The following DPP10 variants were observed in gnomAD, a reference collection of about 807,000 sequenced individuals.
DPP10 encodes dipeptidyl peptidase like 10.
In DPP10, 33 loss-of-function variants were observed where a neutral mutation model predicts 120.9. That is an observed-to-expected ratio of 0.27 (90% CI 0.21 to 0.37). The LOEUF (loss-of-function observed/expected upper bound fraction) is 0.37, where lower values mean the gene tolerates loss of function less well. Among genes scored for constraint, DPP10 ranks in the 10% least tolerant of loss-of-function variants. DPP10 has a pLI of 1.00. For synonymous variants in DPP10, 337 were observed against 326.1 expected, an observed-to-expected ratio of 1.03 and a Z score of -0.36; for missense variants, 816 against 942.8, an observed-to-expected ratio of 0.87 and a Z score of 1.76.
At position 115,565,789 on chromosome 2, in the gene DPP10, G is replaced by GT. The variant is rs772616101; in HGVS notation, c.441+39829dup. 4.9e-3 allele frequency among the ~76,000 whole-genome samples: 548 copies of GT among 111,046 alleles called. 8 individuals carry two copies. The highest frequency in any genetic ancestry group is 9.5e-3 in the African/African-American group (288 of 30,354). The allele number at this position is 111,046 out of a possible 152,430, so 72.9% of individuals were successfully genotyped here. A position where few individuals can be genotyped will look rare whatever the true frequency, so the allele number is the denominator to read the frequency against. Reference sequence around the variant, plus strand: ...GTTTTGTTTTTTTTTGTTTTTTTTTGTTTTTTTTTTTTCTTTGATGGAGTC... The same window carrying GT: ...GTTTTGTTTTTTTTTGTTTTTTTTTGTTTTTTTTTTTTTCTTTGATGGAGTC... On this transcript the variant is annotated intron_variant, in intron 5 of 25. Transcript: ENST00000410059.
At chr2:115,440,227 A>G (rs918337770) in intron 3 of DPP10, among the ~76,000 whole-genome samples, 1 of 152,084 alleles carries the variant, frequency 6.6e-6, no homozygotes, top group African/African-American at 2.4e-5. Flanking sequence ...GAATAACAAG[A>G]GAAGTTTTTC....
intron 21 of DPP10, among the ~76,000 whole-genome samples, chr2:115,833,608 G>C (rs772061045): frequency 6.6e-6 from 1 of 152,086 alleles, no homozygotes; most frequent in Non-Finnish European, 1.5e-5. Flanking sequence ...ATAATGCCAC[G>C]CATGGAAAAT....
At chr2:115,032,677 T>C (rs542117465) in intron 1 of DPP10, among the ~76,000 whole-genome samples, 33 of 151,836 alleles carry the variant, frequency 2.2e-4, no homozygotes, top group Non-Finnish European at 4.6e-4. Flanking sequence ...GGTCAGGAGT[T>C]TGAGACCAGC....
intron 1 of DPP10, among the ~76,000 whole-genome samples, chr2:115,009,211 A>C (rs1298685523): frequency 6.7e-6 from 1 of 149,912 alleles, no homozygotes; most frequent in African/African-American, 2.5e-5. Flanking sequence ...TGGATTAAGA[A>C]AATGTGGCAC....
chr2:115,149,381 A>T (rs2051407632), intron 1 of DPP10, among the ~76,000 whole-genome samples: 1 of 152,250 alleles, frequency 6.6e-6, no homozygotes, highest in Non-Finnish European at 1.5e-5. Context: ...CATAACTCCA[A>T]AAAGGACAGA....
intron 1 of DPP10, among the ~76,000 whole-genome samples, chr2:114,557,984 C>T (rs975765948): frequency 1.3e-5 from 2 of 152,132 alleles, no homozygotes; most frequent in African/African-American, 2.4e-5. Flanking sequence ...TAGATTTTAT[C>T]ATCAGGCACA....
chr2:115,237,965 C>T (rs1371965785), intron 1 of DPP10, among the ~76,000 whole-genome samples: 6 of 152,122 alleles, frequency 3.9e-5, no homozygotes, highest in Non-Finnish European at 7.3e-5. Context: ...CACAGCAAAC[C>T]GGTTATCCAG....
intron 5 of DPP10, among the ~76,000 whole-genome samples, chr2:115,543,219 C>T (rs968057977): frequency 3.3e-5 from 5 of 152,120 alleles, no homozygotes; most frequent in African/African-American, 1.2e-4. Context: ...ACTAAATAGA[C>T]CTGCCAGAAA....
chr2:115,393,555 T>C (rs921363979), intron 3 of DPP10, among the ~76,000 whole-genome samples: 2 of 152,040 alleles, frequency 1.3e-5, no homozygotes, highest in Non-Finnish European at 2.9e-5. Context: ...TCAGGATAAA[T>C]TGAGGTATGA....
chr2:115,779,590 G>T (rs1682510372), intron 15 of DPP10, among the ~76,000 whole-genome samples: 1 of 151,956 alleles, frequency 6.6e-6, no homozygotes, highest in Non-Finnish European at 1.5e-5. Context: ...AAAGCTTTAT[G>T]GAAGAGTAGA....
intron 1 of DPP10, among the ~76,000 whole-genome samples, chr2:114,498,574 G>A (rs1345147788): frequency 6.6e-6 from 1 of 152,136 alleles, no homozygotes; most frequent in African/African-American, 2.4e-5. Flanking sequence ...TGCCCATATC[G>A]GGTTGGCCTG....
intron 3 of DPP10, among the ~76,000 whole-genome samples, chr2:115,382,976 C>G (rs2066531739): frequency 6.6e-6 from 1 of 152,216 alleles, no homozygotes; most frequent in South Asian, 2.1e-4. Context: ...AATTTCTGCA[C>G]AGGGGGTGCC....
chr2:115,372,259 A>G (rs1217411647), intron 3 of DPP10, among the ~76,000 whole-genome samples: 2 of 152,180 alleles, frequency 1.3e-5, no homozygotes, highest in South Asian at 2.1e-4. Flanking sequence ...AAAAGAGTAC[A>G]TGAAACATCT....
intron 1 of DPP10, among the ~76,000 whole-genome samples, chr2:115,155,571 C>G (rs1216691857): frequency 6.6e-6 from 1 of 152,172 alleles, no homozygotes; most frequent in Non-Finnish European, 1.5e-5. Context: ...GTAATAGATT[C>G]CTCCTCCTCC....
intron 5 of DPP10, among the ~76,000 whole-genome samples, chr2:115,576,898 C>G (rs927723655): frequency 6.6e-6 from 1 of 152,144 alleles, no homozygotes; most frequent in South Asian, 2.1e-4. Flanking sequence ...CAGAGACCAG[C>G]CTGAGTTGTA....
chr2:115,122,103 G>A (rs2049854751), intron 1 of DPP10, among the ~76,000 whole-genome samples: 1 of 152,156 alleles, frequency 6.6e-6, no homozygotes, highest in Admixed American at 6.5e-5. Context: ...TGCACTTATG[G>A]CAGACTGGAG....
intron 1 of DPP10, among the ~76,000 whole-genome samples, chr2:114,724,554 G>A (rs1701917680): frequency 6.6e-6 from 1 of 152,156 alleles, no homozygotes; most frequent in Non-Finnish European, 1.5e-5. Context: ...TGGGGGGTAT[G>A]AGGAGAGTCA....
At chr2:114,500,549 C>T (rs1683062851) in intron 1 of DPP10, among the ~76,000 whole-genome samples, 1 of 152,172 alleles carries the variant, frequency 6.6e-6, no homozygotes, top group South Asian at 2.1e-4. Flanking sequence ...GATTTGGACC[C>T]AGTCAGCCTA....
chr2:114,510,834 G>C (rs1452935329), intron 1 of DPP10, among the ~76,000 whole-genome samples: 1 of 152,192 alleles, frequency 6.6e-6, no homozygotes, highest in Non-Finnish European at 1.5e-5. Flanking sequence ...TCATTTCCTG[G>C]CCTACAGTGA....
Sources: allele counts gnomAD v4.1 joint callset (sites outside exome capture counted in the v4.1 genomes callset), GRCh38; gene constraint gnomAD v4.1.1; transcripts MANE v1.5; gene names NCBI Gene and HGNC (gene_info 2026-07-23, HGNC 2026-07-21).